The following LRRC4C variants were observed in gnomAD, a reference collection of about 807,000 sequenced individuals.
The protein encoded by LRRC4C is leucine rich repeat containing 4C.
LRRC4C carries 5 observed loss-of-function variants against 33.6 expected under a neutral mutation model. The ratio of observed to expected loss-of-function variants is 0.15; its 90% CI spans 0.08 to 0.31. The LOEUF (loss-of-function observed/expected upper bound fraction) is 0.31. LRRC4C is among the 10% of genes least tolerant of loss of function. LRRC4C has a pLI of 1.00. For synonymous variants in LRRC4C, 329 were observed against 302.0 expected (o/e 1.09, Z -0.93); for missense variants, 560 against 796.7 (o/e 0.70, Z 3.58).
intron 3 of LRRC4C, among the ~76,000 whole-genome samples, chr11:40,562,772 G>C (rs1957599951): frequency 6.6e-6 from 1 of 152,244 alleles, no homozygotes; most frequent in East Asian, 1.9e-4. Context: ...CAATGGCTGA[G>C]CAAATTGTGT....
At chr11:41,348,656 G>C (rs966424837) in intron 1 of LRRC4C, among the ~76,000 whole-genome samples, 1 of 152,030 alleles carries the variant, frequency 6.6e-6, no homozygotes, top group Non-Finnish European at 1.5e-5. Flanking sequence ...AGAAGTCATT[G>C]AGAATGGATG....
At chr11:41,084,396 G>A (rs1939801010) in intron 1 of LRRC4C, among the ~76,000 whole-genome samples, 1 of 152,138 alleles carries the variant, frequency 6.6e-6, no homozygotes, top group Non-Finnish European at 1.5e-5. Flanking sequence ...CTGTGAGGGT[G>A]AAAGAAGATA....
chr11:40,530,030 C>T (rs1466286908), intron 3 of LRRC4C, among the ~76,000 whole-genome samples: 1 of 152,064 alleles, frequency 6.6e-6, no homozygotes, highest in Non-Finnish European at 1.5e-5. Context: ...ACCAAAGACA[C>T]TTAAAGTGTG....
rs73473332 is a variant in LRRC4C at position 40,730,444 on chromosome 11, A to G, written c.-406-82166T>C. The stretch of plus-strand genomic sequence containing the variant: ...ATAGAAATGGGGAATATATTTCCAT[A>G]GAGATACAGGTTTAAAGTTTTGAGG... On this transcript the variant is annotated intron_variant, in intron 2 of 6. Coordinates refer to ENST00000528697, the MANE Select transcript of LRRC4C (RefSeq NM_001258419.2). Among the ~76,000 whole-genome samples, 678 of 152,336 alleles carry G rather than the reference A, an allele frequency of 4.5e-3. 10 individuals are homozygous for G. Among genetic ancestry groups the G allele is most frequent in the African/African-American group, 0.016 (659 of 41,568 alleles).
intron 3 of LRRC4C, among the ~76,000 whole-genome samples, chr11:40,448,564 T>C (rs1390603257): frequency 6.6e-6 from 1 of 152,226 alleles, no homozygotes; most frequent in East Asian, 1.9e-4. Context: ...TCCATGTCCC[T>C]GCAAAGGACA....
At chr11:40,604,399 C>T (rs988140548) in intron 3 of LRRC4C, among the ~76,000 whole-genome samples, 1 of 152,038 alleles carries the variant, frequency 6.6e-6, no homozygotes, top group Admixed American at 6.6e-5. Flanking sequence ...TACATTTCTT[C>T]TCTTATATCT....
intron 2 of LRRC4C, among the ~76,000 whole-genome samples, chr11:40,656,443 A>T (rs1243179004): frequency 6.6e-6 from 1 of 151,572 alleles, no homozygotes; most frequent in Non-Finnish European, 1.5e-5. Flanking sequence ...CTAGTATGGT[A>T]AGAGTGCTTG....
At chr11:41,026,532 TC>T (rs763179545) in intron 1 of LRRC4C, among the ~76,000 whole-genome samples, 2 of 151,612 alleles carry the variant, frequency 1.3e-5, no homozygotes, top group Non-Finnish European at 3.0e-5. Flanking sequence ...GCAGATTGAT[TC>T]CAAACTTGCA....
chr11:40,390,889 T>G (rs1949308817), intron 3 of LRRC4C, among the ~76,000 whole-genome samples: 1 of 152,110 alleles, frequency 6.6e-6, no homozygotes, highest in Admixed American at 6.6e-5. Flanking sequence ...TTTGTTTTGT[T>G]TTTTGTTTTT....
intron 1 of LRRC4C, among the ~76,000 whole-genome samples, chr11:41,314,661 C>T (rs911495344): frequency 1.3e-5 from 2 of 151,828 alleles, no homozygotes; most frequent in African/African-American, 2.4e-5. Flanking sequence ...GGTGCGGGGC[C>T]GTGGGAGGGG....
intron 5 of LRRC4C, among the ~76,000 whole-genome samples, chr11:40,184,422 AG>A (rs1430004961): frequency 3.3e-5 from 5 of 152,326 alleles, no homozygotes; most frequent in Admixed American, 2.6e-4. Context: ...AGAATAAAAA[AG>A]GGTTTGTGGT....
At chr11:41,292,948 A>G (rs535532560) in intron 1 of LRRC4C, among the ~76,000 whole-genome samples, 2 of 152,292 alleles carry the variant, frequency 1.3e-5, no homozygotes, top group East Asian at 3.9e-4. Flanking sequence ...ATAAAGCCTC[A>G]GGAATACCAT....
In LRRC4C at chr11:40,743,140, A is replaced by G. The variant is rs138751927; in HGVS notation, c.-406-94862T>C. 1.9e-4 allele frequency among the ~76,000 whole-genome samples: 29 copies of G among 152,208 alleles called. 1 individual carries two copies. The South Asian group carries it at 5.8e-3, about 31-fold the overall frequency. ...AGTATGAAAATGGTACATTAGGAATATTCCCTGGTATTCAATGAACATGAA... is the reference window on the plus strand; with the variant it reads ...AGTATGAAAATGGTACATTAGGAATGTTCCCTGGTATTCAATGAACATGAA... On this transcript the variant is annotated intron_variant, in intron 2 of 6. Transcript: ENST00000528697.
chr11:41,209,678 T>G (rs2136307378), intron 1 of LRRC4C, among the ~76,000 whole-genome samples: 1 of 151,632 alleles, frequency 6.6e-6, no homozygotes, highest in African/African-American at 2.4e-5. Context: ...AAAAAAAGAC[T>G]TTGGATTTGG....
In LRRC4C at chr11:40,599,344, G is replaced by A. The variant is rs11035952; in HGVS notation, c.-270+48798C>T. 3.9e-5 allele frequency among the ~76,000 whole-genome samples: 6 copies of A among 152,160 alleles called. No homozygotes were observed. In the East Asian group the frequency reaches 7.7e-4, roughly 20 times the overall value. On this transcript the variant is annotated intron_variant, in intron 3 of 6. Transcript: ENST00000528697. ...CATGCATCTGTAGTCCCAACTACTC[G>A]GGAGGCTGAGGCAGCGGGATAGCTT... is the stretch of plus-strand genomic sequence containing the variant.
chr11:41,237,675 T>C (rs543253180), intron 1 of LRRC4C, among the ~76,000 whole-genome samples: 48 of 152,134 alleles, frequency 3.2e-4, no homozygotes, highest in Non-Finnish European at 1.3e-4. Flanking sequence ...CAGAGGAACA[T>C]TATCATTTTG....
intron 1 of LRRC4C, among the ~76,000 whole-genome samples, chr11:41,400,261 T>A (rs1953975086): frequency 6.6e-6 from 1 of 151,940 alleles, no homozygotes; most frequent in South Asian, 2.1e-4. Context: ...ATGTTAAAGT[T>A]AAAAGTGCAT....
chr11:41,381,655 G>A (rs1194095372), intron 1 of LRRC4C, among the ~76,000 whole-genome samples: 1 of 150,756 alleles, frequency 6.6e-6, no homozygotes, highest in Non-Finnish European at 1.5e-5. Flanking sequence ...AAGAAAGATG[G>A]AAAAAAGATA....
intron 5 of LRRC4C, among the ~76,000 whole-genome samples, chr11:40,141,244 T>C (rs1857345885): frequency 6.6e-6 from 1 of 152,090 alleles, no homozygotes; most frequent in Admixed American, 6.6e-5. Context: ...ATTATTAAAG[T>C]CAAATGGGAT....
Sources: gnomAD v4.1 joint callset for allele counts (sites outside exome capture counted in the v4.1 genomes callset) on GRCh38, gnomAD v4.1.1 for gene constraint, MANE v1.5 for transcripts, NCBI Gene and HGNC (gene_info 2026-07-23, HGNC 2026-07-21) for gene names.